STAU2: variants seen among roughly 807,000 people sequenced by gnomAD.
The protein encoded by STAU2 is double-stranded RNA-binding protein Staufen homolog 2.
In STAU2, 20 loss-of-function variants were observed where a neutral mutation model predicts 65.9. The ratio of observed to expected loss-of-function variants is 0.30; its 90% CI spans 0.21 to 0.44. STAU2 has a LOEUF of 0.44. Among genes scored for constraint, STAU2 ranks in the 20% least tolerant of loss-of-function variants. STAU2 has a pLI of 1.00. For synonymous variants in STAU2, 232 were observed against 233.9 expected, an observed-to-expected ratio of 0.99 and a Z score of 0.07; for missense variants, 558 against 683.9, an observed-to-expected ratio of 0.82 and a Z score of 2.05.
intron 3 of STAU2, among the ~76,000 whole-genome samples, chr8:73,713,098 T>G (rs1373435057): frequency 6.6e-6 from 1 of 152,256 alleles, no homozygotes; most frequent in South Asian, 2.1e-4. Context: ...CTAGGAAATA[T>G]TCTACCTTCA....
chr8:73,702,034 G>T (rs1189018148), intron 4 of STAU2, among the ~76,000 whole-genome samples: 6 of 151,998 alleles, frequency 3.9e-5, no homozygotes, highest in Non-Finnish European at 8.8e-5. Context: ...CAAAACAATT[G>T]AATTCACAGA....
At chr8:73,517,577 G>A (rs1014220139) in intron 13 of STAU2, among the ~76,000 whole-genome samples, 12 of 152,134 alleles carry the variant, frequency 7.9e-5, no homozygotes, top group African/African-American at 2.9e-4. Flanking sequence ...ATTATCTTCA[G>A]AGATAACCTG....
chr8:73,550,264 T>A (rs1807235736), intron 13 of STAU2: 1 of 985,178 alleles, frequency 1.0e-6, no homozygotes, highest in African/African-American at 1.7e-5. Context: ...CATAAGCTTT[T>A]TAAAAAGGCC....
chr8:73,680,150 G>A (rs1381365571), intron 5 of STAU2, among the ~76,000 whole-genome samples: 2 of 116,368 alleles, frequency 1.7e-5, no homozygotes, highest in Admixed American at 9.5e-5. Flanking sequence ...GGTGGGGGAG[G>A]AGGTGGGAAT....
At chr8:73,704,519 A>C (rs368880365) in intron 4 of STAU2, among the ~76,000 whole-genome samples, 1 of 152,224 alleles carries the variant, frequency 6.6e-6, no homozygotes, top group East Asian at 1.9e-4. Context: ...TCAGTTACAG[A>C]TGCATACCAA....
At chr8:73,555,517 G>A (rs942880214) in intron 12 of STAU2, among the ~76,000 whole-genome samples, 2 of 151,916 alleles carry the variant, frequency 1.3e-5, no homozygotes, top group Non-Finnish European at 2.9e-5. Context: ...TCAACCAACT[G>A]TGGATAGAAA....
intron 13 of STAU2, among the ~76,000 whole-genome samples, chr8:73,500,361 C>T (rs1821675637): frequency 6.6e-6 from 1 of 151,890 alleles, no homozygotes; most frequent in African/African-American, 2.4e-5. Context: ...TGGCACATGG[C>T]AAATTCAAGT....
At chr8:73,510,611 G>C (rs1300258262) in intron 13 of STAU2, among the ~76,000 whole-genome samples, 1 of 152,188 alleles carries the variant, frequency 6.6e-6, no homozygotes, top group African/African-American at 2.4e-5. Context: ...CAGCATGACT[G>C]GGGAGGCCTC....
chr8:73,693,786 G>T (rs7014771), intron 4 of STAU2, among the ~76,000 whole-genome samples: 30,762 of 152,162 alleles, frequency 0.2, 3,475 homozygotes, highest in East Asian at 0.37. Flanking sequence ...ACAACACTGG[G>T]AAGTTAATTA....
At chr8:73,473,992 T>A (rs1318524206) in intron 13 of STAU2, among the ~76,000 whole-genome samples, 1 of 152,194 alleles carries the variant, frequency 6.6e-6, no homozygotes, top group East Asian at 1.9e-4. Context: ...TGTCATGTTT[T>A]CATACACTCT....
At chr8:73,500,072 T>C (rs138008107) in intron 13 of STAU2, among the ~76,000 whole-genome samples, 3 of 151,926 alleles carry the variant, frequency 2.0e-5, no homozygotes, top group African/African-American at 7.2e-5. Context: ...TCTAGTACCA[T>C]ATGGGATTCA....
intron 5 of STAU2, among the ~76,000 whole-genome samples, chr8:73,687,107 A>C (rs1318792025): frequency 6.9e-6 from 1 of 144,834 alleles, no homozygotes; most frequent in African/African-American, 2.5e-5. Flanking sequence ...TGGCCAGGCT[A>C]TATATAAATA....
At chr8:73,494,694 T>C (rs1051738952) in intron 13 of STAU2, among the ~76,000 whole-genome samples, 3 of 151,714 alleles carry the variant, frequency 2.0e-5, no homozygotes, top group African/African-American at 7.2e-5. Flanking sequence ...ACAGTAGTTT[T>C]GCACCACCTT....
intron 5 of STAU2, among the ~76,000 whole-genome samples, chr8:73,683,840 G>T (rs1818605287): frequency 6.6e-6 from 1 of 152,094 alleles, no homozygotes; most frequent in Non-Finnish European, 1.5e-5. Flanking sequence ...ATCAAATCAA[G>T]AACTCAAACC....
chr8:73,640,175 C>T (rs1398234116), intron 6 of STAU2, among the ~76,000 whole-genome samples: 2 of 151,596 alleles, frequency 1.3e-5, no homozygotes, highest in African/African-American at 4.8e-5. Context: ...CTTCTCAAAC[C>T]CAAGTGCTTC....
At chr8:73,609,523 G>A (rs184624406) in intron 9 of STAU2, among the ~76,000 whole-genome samples, 128 of 152,038 alleles carry the variant, frequency 8.4e-4, no homozygotes, top group African/African-American at 3.0e-3. Context: ...GCATGGTGGT[G>A]TGCACCTGTA....
chr8:73,481,513 A>C (rs1487643747), intron 13 of STAU2, among the ~76,000 whole-genome samples: 4 of 88,008 alleles, frequency 4.5e-5, no homozygotes, highest in Non-Finnish European at 4.6e-5. Context: ...AAAAACAAAA[A>C]AACAAAAAAA....
At chr8:73,462,156 T>G (rs1819389313) in intron 13 of STAU2, among the ~76,000 whole-genome samples, 1 of 152,182 alleles carries the variant, frequency 6.6e-6, no homozygotes, top group Non-Finnish European at 1.5e-5. Flanking sequence ...CTTGGATCAT[T>G]GCAACCTCCA....
intron 9 of STAU2, among the ~76,000 whole-genome samples, chr8:73,609,066 A>G (rs902171049): frequency 6.6e-6 from 1 of 152,184 alleles, no homozygotes; most frequent in Non-Finnish European, 1.5e-5. Flanking sequence ...ATGCTGCAGG[A>G]GAAAGAGGTT....
Sources: gnomAD v4.1 joint callset for allele counts (sites outside exome capture counted in the v4.1 genomes callset) on GRCh38, gnomAD v4.1.1 for gene constraint, MANE v1.5 for transcripts, NCBI Gene and HGNC (gene_info 2026-07-23, HGNC 2026-07-21) for gene names.